Variants in COLEC12 observed in about 807,000 individuals in gnomAD.
COLEC12 encodes the protein collectin subfamily member 12.
Under a neutral mutation model 71.1 loss-of-function variants are expected in COLEC12, and 33 were observed. The observed-to-expected ratio is 0.46, with a 90% CI of 0.35 to 0.62. COLEC12 has a LOEUF of 0.62. COLEC12 is among the 20% of genes least tolerant of loss of function. The pLI, the probability that COLEC12 is intolerant of heterozygous loss-of-function variation, is 0.00. For synonymous variants in COLEC12, 350 were observed against 353.0 expected, an observed-to-expected ratio of 0.99 and a Z score of 0.10; for missense variants, 765 against 916.1, an observed-to-expected ratio of 0.84 and a Z score of 2.13.
intron 2 of COLEC12, among the ~76,000 whole-genome samples, chr18:414,415 A>G (rs1432059776): frequency 6.6e-6 from 1 of 152,134 alleles, no homozygotes; most frequent in Non-Finnish European, 1.5e-5. Context: ...CCTGACCAAC[A>G]TGGTGAAACC....
At chr18:435,775 T>G (rs943053654) in intron 2 of COLEC12, among the ~76,000 whole-genome samples, 3 of 152,228 alleles carry the variant, frequency 2.0e-5, no homozygotes, top group African/African-American at 7.2e-5. Flanking sequence ...ACACATAAGT[T>G]GAAGAAGTTC....
chr18:455,606 T>C (rs562636457), intron 2 of COLEC12, among the ~76,000 whole-genome samples: 65 of 152,196 alleles, frequency 4.3e-4, no homozygotes, highest in Non-Finnish European at 7.9e-4. Context: ...TTTTAGGCCC[T>C]GCATGCATTA....
At chr18:407,045 C>T (rs1567898710) in intron 2 of COLEC12, among the ~76,000 whole-genome samples, 1 of 152,244 alleles carries the variant, frequency 6.6e-6, no homozygotes, top group African/African-American at 2.4e-5. Context: ...GCTAGATGGG[C>T]ACAGTCGAAA....
chr18:463,694 G>C (rs748752203), intron 2 of COLEC12, among the ~76,000 whole-genome samples: 2 of 152,102 alleles, frequency 1.3e-5, no homozygotes, highest in African/African-American at 4.8e-5. Flanking sequence ...AAAGTGTCTT[G>C]TCTTTCGTAT....
rs183018745 is a variant in COLEC12, at chr18:373,369, C to T, written c.59-15847G>A. 4.6e-5 allele frequency among the ~76,000 whole-genome samples: 7 copies of T among 152,280 alleles called. No individual in the cohort carries two copies. The East Asian group carries it at 1.4e-3, about 29-fold the overall frequency. ...TCCTAATGTAAGGAGCAGACCTCTC[C>T]CGTCAGAAGTACATGGTGGGGAAAA... On this transcript the variant is annotated intron_variant, in intron 2 of 9. Transcript: ENST00000400256.
At chr18:442,595 G>C (rs1916563785) in intron 2 of COLEC12, among the ~76,000 whole-genome samples, 1 of 152,204 alleles carries the variant, frequency 6.6e-6, no homozygotes, top group African/African-American at 2.4e-5. Flanking sequence ...AGCCCAGGGT[G>C]ACCCCTTCTT....
chr18:398,876 T>G (rs1050756567), intron 2 of COLEC12, among the ~76,000 whole-genome samples: 1 of 152,376 alleles, frequency 6.6e-6, no homozygotes, highest in South Asian at 2.1e-4. Flanking sequence ...ACATGCTGCT[T>G]CTTTTTGTGC....
intron 2 of COLEC12, among the ~76,000 whole-genome samples, chr18:383,073 A>G (rs7241234): frequency 0.4 from 61,411 of 151,914 alleles, 12,740 homozygotes; most frequent in Admixed American, 0.47. Context: ...GGACTCTGTC[A>G]TTTTCCAGGA....
chr18:382,823 A>AAT (rs2143565917), intron 2 of COLEC12, among the ~76,000 whole-genome samples: 1 of 152,342 alleles, frequency 6.6e-6, no homozygotes, highest in South Asian at 2.1e-4. Context: ...AGTGACACAT[A>AAT]ATAATTGTAC....
rs1917389477 is a variant in COLEC12, at chr18:480,341, T to C, written c.58+366A>G. The stretch of plus-strand genomic sequence containing the variant: ...AACACTGGGTTAGGAGTGTAAGGCC[T>C]GAGCAAAGACGTTTTCTGAATAACA... On this transcript the variant is annotated intron_variant, in intron 2 of 9. Coordinates refer to ENST00000400256, the MANE Select transcript of COLEC12 (RefSeq NM_130386.3). This position sits in a 1 kb window ranked among gnomAD's most constrained non-coding sequence, Gnocchi z 4.1. 6.6e-6 allele frequency among the ~76,000 whole-genome samples: 1 copy of C among 152,238 alleles called. No individual in the cohort carries two copies. The highest frequency in any genetic ancestry group is 2.4e-5 in the African/African-American group (1 of 41,470).
chr18:364,058 G>A (rs1914804433), intron 2 of COLEC12, among the ~76,000 whole-genome samples: 1 of 152,156 alleles, frequency 6.6e-6, no homozygotes, highest in Non-Finnish European at 1.5e-5. Context: ...TGAACTCTTC[G>A]ACGTTCATGC....
At chr18:353,855 CTGAT>C (rs1467993584) in intron 3 of COLEC12, among the ~76,000 whole-genome samples, 2 of 152,176 alleles carry the variant, frequency 1.3e-5, no homozygotes, top group Admixed American at 6.5e-5. Flanking sequence ...TACAGAAAAT[CTGAT>C]TGTAGGGTGT....
chr18:448,982 T>C (rs1916706147), intron 2 of COLEC12, among the ~76,000 whole-genome samples: 2 of 152,186 alleles, frequency 1.3e-5, no homozygotes, highest in Admixed American at 1.3e-4. Context: ...CAAGGTCATT[T>C]TTCTATTCCC....
chr18:403,473 C>T (rs753049598), intron 2 of COLEC12, among the ~76,000 whole-genome samples: 1 of 152,216 alleles, frequency 6.6e-6, no homozygotes, highest in Non-Finnish European at 1.5e-5. Context: ...AGAATACAGA[C>T]AGCCTGGGTA....
At position 323,895 on chromosome 18, in the gene COLEC12, G is replaced by GT. The variant is rs1461299815; in HGVS notation, c.2064-2089dup. On this transcript the variant is annotated intron_variant, in intron 8 of 9. Transcript: ENST00000400256. ...TTTAAGTTAAATAAATAAAAAGGAT[G>GT]TATCAACCAGGCAGAGAAATAACTG... Among the ~76,000 whole-genome samples the GT allele has an allele frequency of 5.9e-5, 9 of 152,306 alleles. No homozygotes were observed. The South Asian group carries it at 1.9e-3, about 32-fold the overall frequency.
chr18:402,726 C>T (rs565566813), intron 2 of COLEC12, among the ~76,000 whole-genome samples: 98 of 151,788 alleles, frequency 6.5e-4, no homozygotes, highest in African/African-American at 2.4e-3. Flanking sequence ...CTTTCAGACT[C>T]GTGTGGGTCT....
At position 334,888 on chromosome 18, in the gene COLEC12, C is replaced by T; in HGVS notation, c.1670G>A (p.Gly557Glu). 1 of 1,525,658 alleles carries T rather than the reference C, an allele frequency of 6.6e-7. No individual in the cohort carries two copies. Among genetic ancestry groups the T allele is most frequent in the Non-Finnish European group, 8.7e-7 (1 of 1,146,314 alleles). 94.5% of individuals were successfully genotyped at this position (1,525,658 alleles called of 1,614,324 possible). Reference protein sequence around the residue: ...QGLQGTVGEPGVPGPRGLPGL... With the variant: ...QGLQGTVGEPEVPGPRGLPGL... ...TGGCAGTCCCCGAGGTCCAGGCACC[C>T]CAGGCTCCCCAACGGTGCCCTGAAG... The change falls in exon 6 of 10, where the codon GGG (glycine) becomes GAG (glutamate). Residue 557 changes from glycine (G) to glutamate (E), a missense_variant. Physicochemically the swap from Gly to Glu is moderately conservative, Grantham distance 98 (BLOSUM62 -2). Coordinates refer to ENST00000400256, the MANE Select transcript of COLEC12 (RefSeq NM_130386.3).
intron 2 of COLEC12, among the ~76,000 whole-genome samples, chr18:465,346 G>A (rs938044138): frequency 6.6e-5 from 10 of 152,016 alleles, no homozygotes; most frequent in African/African-American, 2.2e-4. Context: ...CAAGTGATCC[G>A]CCCACCCTGA....
intron 2 of COLEC12, among the ~76,000 whole-genome samples, chr18:422,818 G>A (rs999252781): frequency 5.3e-5 from 8 of 152,156 alleles, no homozygotes; most frequent in Non-Finnish European, 1.2e-4. Context: ...AAACGTGTAA[G>A]TTATTAAAAA....
Sources: gnomAD v4.1 joint callset for allele counts (sites outside exome capture counted in the v4.1 genomes callset) on GRCh38, gnomAD v4.1.1 for gene constraint, Gnocchi (gnomAD v3.1) non-coding constraint, MANE v1.5 for transcripts, NCBI Gene and HGNC (gene_info 2026-07-23, HGNC 2026-07-21) for gene names.